Variants in PLCH2 observed in about 807,000 individuals in gnomAD.
PLCH2 encodes the protein phospholipase C eta 2, also known as 1-phosphatidylinositol 4,5-bisphosphate phosphodiesterase eta-2.
Under a neutral mutation model 134.7 loss-of-function variants are expected in PLCH2, and 98 were observed. The observed-to-expected ratio is 0.73, with a 90% CI of 0.62 to 0.86. The LOEUF (loss-of-function observed/expected upper bound fraction) is 0.86. Among genes scored for constraint, PLCH2 ranks in the 40% least tolerant of loss-of-function variants. PLCH2 has a pLI of 0.00. For synonymous variants in PLCH2, 974 were observed against 827.5 expected, an observed-to-expected ratio of 1.18 and a Z score of -3.04; for missense variants, 1,994 against 1,986.6, an observed-to-expected ratio of 1.00 and a Z score of -0.07.
chr1:2,461,872 C>T (rs201169749), intron 2 of PLCH2, among the ~76,000 whole-genome samples: 1 of 29,052 alleles, frequency 3.4e-5, no homozygotes, highest in South Asian at 1.7e-3. Flanking sequence ...ACTCATCCCC[C>T]CCAGGGCCTC....
At chr1:2,495,447 G>C in intron 12 of PLCH2, 41 bp from the exon 13 acceptor site, 1 of 1,531,536 alleles carries the variant, frequency 6.5e-7, no homozygotes, top group Non-Finnish European at 8.8e-7. Context: ...GCCTGGCCTG[G>C]GCCAGAGGCC....
chr1:2,495,718 G>A (rs1642849004), intron 13 of PLCH2, 148 bp downstream of exon 13: 5 of 610,510 alleles, frequency 8.2e-6, no homozygotes, highest in African/African-American at 1.9e-5. Flanking sequence ...GAAGTGGTAG[G>A]GAGTGTGGTG....
chr1:2,468,808 C>T (rs1641192819), intron 1 of PLCH2, among the ~76,000 whole-genome samples: 1 of 152,028 alleles, frequency 6.6e-6, no homozygotes, highest in African/African-American at 2.4e-5. Flanking sequence ...TGTGACCTCA[C>T]ACAAGGGACT....
At chr1:2,416,714 CAG>C in the PLCH2 span, among the ~76,000 whole-genome samples, 1 of 152,212 alleles carries the variant, frequency 6.6e-6, no homozygotes, top group Non-Finnish European at 1.5e-5. Flanking sequence ...CCGTGGGAAA[CAG>C]TGCCTGGGCC....
intron 2 of PLCH2, among the ~76,000 whole-genome samples, chr1:2,458,073 G>C (rs954690495): frequency 9.9e-5 from 15 of 152,140 alleles, no homozygotes; most frequent in African/African-American, 3.4e-4. Flanking sequence ...CCCAGGCTGT[G>C]TGTGTGAGTG....
rs558057709 is a variant in PLCH2, at chr1:2,503,021, G to T, written c.2959+612G>T. ...GGTGTCGCCTCGTGTGCTCGTGCTC[G>T]TGGCTCTGTATCCGTGGCACTGTCT... On this transcript the variant is annotated intron_variant, in intron 21 of 21. Transcript: ENST00000378486. The T allele has an allele frequency of 2.9e-3, 2,046 of 714,608 alleles. 32 individuals carry two copies. Among genetic ancestry groups the T allele is most frequent in the South Asian group, 0.024 (1,610 of 66,814 alleles). 44.3% of individuals were successfully genotyped at this position (714,608 alleles called of 1,614,324 possible). A position where few individuals can be genotyped will look rare whatever the true frequency, so the allele number is the denominator to read the frequency against.
rs1181034822 is a variant in PLCH2 at position 2,429,505 on chromosome 1, G to A, written c.-177-833G>A. 7.2e-5 allele frequency among the ~76,000 whole-genome samples: 11 copies of A among 152,318 alleles called. No homozygotes were observed. In the South Asian group the frequency reaches 2.1e-3, roughly 29 times the overall value. ...GATGTGGTGGAAAGGCGGGTTCTGGGCAGGGAGGCTGAGCAGAGGCTGGTG... is the reference window on the plus strand; with the variant it reads ...GATGTGGTGGAAAGGCGGGTTCTGGACAGGGAGGCTGAGCAGAGGCTGGTG... On this transcript the variant is annotated intron_variant, in intron 1 of 3. Transcript: ENST00000609981.
chr1:2,486,100 C>T (rs1276304429), intron 5 of PLCH2, among the ~76,000 whole-genome samples: 1 of 152,198 alleles, frequency 6.6e-6, no homozygotes, highest in African/African-American at 2.4e-5. Flanking sequence ...GGTGACCTGG[C>T]TGCAGATAGT....
chr1:2,487,059 C>T (rs1642324685), intron 6 of PLCH2, 59 bp downstream of exon 6: 1 of 1,526,702 alleles, frequency 6.6e-7, no homozygotes, highest in East Asian at 2.4e-5. Flanking sequence ...GCAACGAGGG[C>T]CCAACCTGTG....
chr1:2,464,636 C>T (rs1380224233), upstream of PLCH2, among the ~76,000 whole-genome samples: 1 of 152,228 alleles, frequency 6.6e-6, no homozygotes, highest in Admixed American at 6.5e-5. Context: ...ATGGAGAAAG[C>T]AGGAATGGAA....
intron 2 of PLCH2, among the ~76,000 whole-genome samples, chr1:2,453,321 T>C (rs1557962149): frequency 1.3e-5 from 2 of 152,190 alleles, no homozygotes; most frequent in South Asian, 4.1e-4. Context: ...CTGAGGCATA[T>C]GTTTCCAGTC....
rs1358624401 is a variant in PLCH2 at position 2,444,989 on chromosome 1, G to C, written c.115+14360G>C. Among the ~76,000 whole-genome samples the C allele has an allele frequency of 6.6e-6, 1 of 152,148 alleles. No individual in the cohort carries two copies. The highest frequency in any genetic ancestry group is 2.4e-5 in the African/African-American group (1 of 41,424). ...TGGGAGGCCGGGGAGGGGCAAGTCA[G>C]AGGGCGGAGGCCACTGTCCTATCTC... On this transcript the variant is annotated intron_variant, in intron 2 of 3. Transcript: ENST00000609981. This position sits in a 1 kb window ranked among gnomAD's most constrained non-coding sequence, Gnocchi z 4.6.
rs375479407 is a variant in PLCH2 at position 2,504,676 on chromosome 1, C to A, written c.3714C>A (p.Gly1238=). The part of the protein sequence containing the change: ...MAGLPFRPPW[G]CLSLVGVQDC... ...GCCTCCCCTTCCGGCCTCCCTGGGG[C>A]TGCCTTTCCCTGGTGGGCGTGCAGG... The change falls in exon 22 of 22, where the codon GGC becomes GGA. Residue 1238 remains glycine (G), a synonymous_variant. Transcript: ENST00000378486. 1 of 1,612,598 alleles carries A rather than the reference C, an allele frequency of 6.2e-7. No individual in the cohort carries two copies. Among genetic ancestry groups the A allele is most frequent in the Non-Finnish European group, 8.5e-7 (1 of 1,179,792 alleles).
upstream of PLCH2, among the ~76,000 whole-genome samples, chr1:2,423,931 C>T (rs1437189990): frequency 6.6e-6 from 1 of 152,102 alleles, no homozygotes; most frequent in African/African-American, 2.4e-5. Flanking sequence ...TCCCTTCTCC[C>T]CCTCCCTTCT....
In PLCH2 at chr1:2,453,753, A is replaced by G. The variant is rs75889013; in HGVS notation, c.115+23124A>G. Reference sequence around the variant, plus strand: ...CCTTGTTCCTGTGTGCAGCCCCTGGACACCCTCTCCTGACTCCAGCAGATG... The same window carrying G: ...CCTTGTTCCTGTGTGCAGCCCCTGGGCACCCTCTCCTGACTCCAGCAGATG... On this transcript the variant is annotated intron_variant, in intron 2 of 3. Coordinates refer to the PLCH2 transcript ENST00000609981. Among the ~76,000 whole-genome samples the G allele has an allele frequency of 3.7e-4, 56 of 151,934 alleles. No individual in the cohort carries two copies. The East Asian group carries it at 0.011, about 29-fold the overall frequency.
At chr1:2,433,218 T>A (rs1570225489) in intron 2 of PLCH2, among the ~76,000 whole-genome samples, 1 of 152,214 alleles carries the variant, frequency 6.6e-6, no homozygotes, top group South Asian at 2.1e-4. Context: ...CGTGCTCAGG[T>A]GTCCGGGGAG....
chr1:2,416,694 C>T, the PLCH2 span, among the ~76,000 whole-genome samples: 3 of 152,192 alleles, frequency 2.0e-5, no homozygotes, highest in Non-Finnish European at 4.4e-5. Flanking sequence ...ATGAAGGCCT[C>T]CTGGAGCCTC....
chr1:2,475,113 G>C (rs1446307935), upstream of PLCH2, among the ~76,000 whole-genome samples: 1 of 152,176 alleles, frequency 6.6e-6, no homozygotes, highest in Non-Finnish European at 1.5e-5. Context: ...GATCTGGCTG[G>C]GTGTGGCCCT....
intron 2 of PLCH2, among the ~76,000 whole-genome samples, chr1:2,443,865 C>T (rs1040619200): frequency 1.3e-5 from 2 of 150,264 alleles, no homozygotes; most frequent in African/African-American, 4.9e-5. Context: ...CCGAGCCCGG[C>T]CGCTGACTGC....
Sources: gnomAD v4.1 joint callset for allele counts (sites outside exome capture counted in the v4.1 genomes callset) on GRCh38, gnomAD v4.1.1 for gene constraint, Gnocchi (gnomAD v3.1) non-coding constraint, MANE v1.5 for transcripts, NCBI Gene and HGNC (gene_info 2026-07-23, HGNC 2026-07-21) for gene names.